CLDN16: variants seen among roughly 807,000 people sequenced by gnomAD.
The protein encoded by CLDN16 is claudin 16.
In CLDN16, 13 loss-of-function variants were observed where a neutral mutation model predicts 24.6. The ratio of observed to expected loss-of-function variants is 0.53; its 90% CI spans 0.34 to 0.84. The LOEUF (loss-of-function observed/expected upper bound fraction) is 0.84. Among genes scored for constraint, CLDN16 ranks in the 40% least tolerant of loss-of-function variants. The pLI is 0.01. For synonymous variants in CLDN16, 116 were observed against 106.7 expected (o/e 1.09, Z -0.54); for missense variants, 298 against 292.7 (o/e 1.02, Z -0.13).
At chr3:190,408,663 C>T (rs113131905) in intron 4 of CLDN16, among the ~76,000 whole-genome samples, 158 bp downstream of exon 4, 5 of 150,924 alleles carry the variant, frequency 3.3e-5, no homozygotes, top group Admixed American at 2.0e-4. Flanking sequence ...AATTGTAATA[C>T]TCAAACATTA....
chr3:190,369,622 A>G (rs1718091920), intron 1 of CLDN16, among the ~76,000 whole-genome samples: 1 of 151,932 alleles, frequency 6.6e-6, no homozygotes, highest in African/African-American at 2.4e-5. Flanking sequence ...ATGAAACTTT[A>G]CTAGTATTAG....
chr3:190,395,836 A>G (rs1055102878), intron 1 of CLDN16, among the ~76,000 whole-genome samples: 2 of 152,078 alleles, frequency 1.3e-5, no homozygotes, highest in African/African-American at 4.8e-5. Flanking sequence ...CCAACAATAA[A>G]CATTTACAAA....
chr3:190,344,889 AT>A (rs1418792792), intron 1 of CLDN16, among the ~76,000 whole-genome samples: 1 of 152,184 alleles, frequency 6.6e-6, no homozygotes, highest in Non-Finnish European at 1.5e-5. Context: ...AGGTAGCTGT[AT>A]TTTCACACAG....
At chr3:190,338,664 G>A (rs57573563) in intron 1 of CLDN16, among the ~76,000 whole-genome samples, 12,123 of 152,202 alleles carry the variant, frequency 0.08, 780 homozygotes, top group African/African-American at 0.17. Context: ...GGGATAATGT[G>A]TATTATTGAC....
intron 1 of CLDN16, among the ~76,000 whole-genome samples, chr3:190,355,684 C>T (rs1337941241): frequency 6.6e-6 from 1 of 151,694 alleles, no homozygotes; most frequent in Non-Finnish European, 1.5e-5. Flanking sequence ...TCCTTGAGAT[C>T]TTGTGAGAAC....
chr3:190,396,634 C>T (rs1718823715), intron 1 of CLDN16, among the ~76,000 whole-genome samples: 2 of 152,092 alleles, frequency 1.3e-5, no homozygotes, highest in African/African-American at 4.8e-5. Flanking sequence ...TAGTAAATGA[C>T]AGGCATTTAA....
At chr3:190,388,072 GC>G (rs1248163247), upstream of CLDN16, 1 of 1,557,514 alleles carries the variant, frequency 6.4e-7, no homozygotes, top group African/African-American at 1.4e-5. Flanking sequence ...AACACACTCA[GC>G]CCTTGCACTG....
At chr3:190,312,303 A>AT in the CLDN16 span, among the ~76,000 whole-genome samples, 524 of 151,008 alleles carry the variant, frequency 3.5e-3, 1 homozygote, top group African/African-American at 0.012. Context: ...GTATTTCTGT[A>AT]TTTTTTTTTT....
rs1007768932 is a variant in CLDN16, at chr3:190,411,017, C to G, written c.*981C>G. On this transcript the variant is annotated 3_prime_UTR_variant, in exon 5 of 5. Coordinates refer to ENST00000264734, the MANE Select transcript of CLDN16 (RefSeq NM_006580.4). ...GTAGCTCGCGTCTGTAATCCCCGCA[C>G]TTTGGGAGGCCAAGGCGGGTGGATC... 2 of 152,188 alleles carry G rather than the reference C, an allele frequency of 1.3e-5. No homozygotes were observed. Among genetic ancestry groups the G allele is most frequent in the African/African-American group, 2.4e-5 (1 of 41,446 alleles). 9.4% of individuals were successfully genotyped at this position (152,188 alleles called of 1,614,324 possible). A position where few individuals can be genotyped will look rare whatever the true frequency, so the allele number is the denominator to read the frequency against.
intron 1 of CLDN16, among the ~76,000 whole-genome samples, chr3:190,362,112 AT>A (rs1052631762): frequency 1.3e-5 from 2 of 150,818 alleles, no homozygotes; most frequent in African/African-American, 4.9e-5. Flanking sequence ...TTGAAGACCC[AT>A]TTTTCTGGGA....
At chr3:190,402,502 G>C in intron 2 of CLDN16, 63 bp downstream of exon 2, 1 of 1,294,278 alleles carries the variant, frequency 7.7e-7, no homozygotes, top group Admixed American at 1.7e-5. Flanking sequence ...CTGAGTTCAG[G>C]TTTCCATTTT....
the CLDN16 span, chr3:190,307,023 A>G: frequency 6.5e-6 from 1 of 152,676 alleles, no homozygotes; most frequent in Admixed American, 6.5e-5. Flanking sequence ...CAGCCAGCTG[A>G]GCAAATAAAG....
chr3:190,354,080 G>A (rs1448382454), intron 1 of CLDN16, among the ~76,000 whole-genome samples: 1 of 151,866 alleles, frequency 6.6e-6, no homozygotes, highest in South Asian at 2.1e-4. Flanking sequence ...TCCAATCTCT[G>A]TCGGTTATAG....
the CLDN16 span, among the ~76,000 whole-genome samples, chr3:190,290,914 T>G: frequency 6.6e-6 from 1 of 152,140 alleles, no homozygotes; most frequent in African/African-American, 2.4e-5. Flanking sequence ...ATAAAAAATG[T>G]GCATGTAAGC....
At chr3:190,313,166 C>T in the CLDN16 span, 1 of 994,174 alleles carries the variant, frequency 1.0e-6, no homozygotes, top group Admixed American at 2.0e-5. Flanking sequence ...AGACCCCAGT[C>T]ATACTGATGT....
At chr3:190,291,413 C>T in the CLDN16 span, among the ~76,000 whole-genome samples, 272 of 152,142 alleles carry the variant, frequency 1.8e-3, no homozygotes, top group African/African-American at 6.4e-3. Flanking sequence ...TGGCCACAGG[C>T]AAGAGAGGGT....
chr3:190,320,472 G>T (rs901353256), upstream of CLDN16, among the ~76,000 whole-genome samples: 1 of 152,054 alleles, frequency 6.6e-6, no homozygotes, highest in Non-Finnish European at 1.5e-5. Flanking sequence ...ACCCCTGAGG[G>T]CAATGAGCAA....
In CLDN16 at chr3:190,396,768, G is replaced by A. The variant is rs182806496; in HGVS notation, c.115-5569G>A. Among the ~76,000 whole-genome samples, 452 of 152,298 alleles carry A rather than the reference G, an allele frequency of 3.0e-3. 11 individuals are homozygous for A. Among genetic ancestry groups the A allele is most frequent in the Non-Finnish European group, 3.7e-4 (25 of 68,030 alleles). On this transcript the variant is annotated intron_variant, in intron 1 of 4. Coordinates refer to ENST00000264734, the MANE Select transcript of CLDN16 (RefSeq NM_006580.4). The stretch of plus-strand genomic sequence containing the variant: ...GATTTCAGGATAGAAAGTGATAAAT[G>A]CCAGCTAGAGAGACTTGGGTGGTGG...
chr3:190,355,525 T>C (rs1717749579), intron 1 of CLDN16, among the ~76,000 whole-genome samples: 1 of 151,858 alleles, frequency 6.6e-6, no homozygotes, highest in African/African-American at 2.4e-5. Context: ...ACCTTTTCTC[T>C]AGGATAATTT....
Sources: gnomAD v4.1 joint callset for allele counts (sites outside exome capture counted in the v4.1 genomes callset) on GRCh38, gnomAD v4.1.1 for gene constraint, MANE v1.5 for transcripts, NCBI Gene and HGNC (gene_info 2026-07-23, HGNC 2026-07-21) for gene names.